Variants in FBXL20 observed in about 807,000 individuals in gnomAD.
The protein encoded by FBXL20 is F-box and leucine rich repeat protein 20, also known as F-box/LRR-repeat protein 20.
A neutral mutation model predicts 64.0 loss-of-function variants in FBXL20; 11 were observed. The observed-to-expected ratio is 0.17, with a 90% CI of 0.11 to 0.28. The LOEUF (loss-of-function observed/expected upper bound fraction) is 0.28, where lower values mean the gene tolerates loss of function less well. Ranked by LOEUF, FBXL20 falls within the 10% of genes least tolerant of loss-of-function variation. The pLI is 1.00. For synonymous variants in FBXL20, 184 were observed against 189.0 expected, an observed-to-expected ratio of 0.97 and a Z score of 0.22; for missense variants, 303 against 526.2, an observed-to-expected ratio of 0.58 and a Z score of 4.15.
At chr17:39,383,735 G>A (rs970222717) in intron 1 of FBXL20, among the ~76,000 whole-genome samples, 4 of 151,488 alleles carry the variant, frequency 2.6e-5, no homozygotes, top group Non-Finnish European at 1.5e-5. Context: ...GATTACAGGC[G>A]CATGTCACCA....
chr17:39,300,302 G>A (rs1426445348), intron 4 of FBXL20, among the ~76,000 whole-genome samples: 1 of 152,122 alleles, frequency 6.6e-6, no homozygotes, highest in African/African-American at 2.4e-5. Context: ...TGAGATTACA[G>A]GTGTAAGCCA....
intron 12 of FBXL20, among the ~76,000 whole-genome samples, chr17:39,265,861 G>A (rs1244823389): frequency 6.6e-6 from 1 of 151,808 alleles, no homozygotes; most frequent in Non-Finnish European, 1.5e-5. Context: ...TCCAGCCTCA[G>A]CCTCCTGAAT....
intron 8 of FBXL20, 58 bp downstream of exon 8, chr17:39,282,671 G>A: frequency 6.2e-7 from 1 of 1,610,440 alleles, no homozygotes; most frequent in South Asian, 1.1e-5. Flanking sequence ...TGTCTATAAA[G>A]AGCTCATGAT....
chr17:39,278,300 C>A (rs954093698), intron 9 of FBXL20, among the ~76,000 whole-genome samples: 5 of 151,598 alleles, frequency 3.3e-5, no homozygotes, highest in Non-Finnish European at 7.4e-5. Context: ...CACACACCAC[C>A]ACACTTAGAT....
chr17:39,348,349 T>C (rs1353510190), intron 1 of FBXL20, among the ~76,000 whole-genome samples: 1 of 152,082 alleles, frequency 6.6e-6, no homozygotes, highest in Admixed American at 6.6e-5. Flanking sequence ...TAGTTCCAGC[T>C]ACTTGGGAGG....
chr17:39,343,327 A>C, intron 1 of FBXL20, 86 bp from the exon 2 acceptor site: 3 of 912,150 alleles, frequency 3.3e-6, no homozygotes, highest in Non-Finnish European at 4.8e-6. Context: ...CAATTCTCTC[A>C]GGAAAGAGGT....
In FBXL20 at chr17:39,268,856, C is replaced by T. The variant is rs765964242; in HGVS notation, c.904G>A (p.Glu302Lys). Residue 302 changes from glutamate to lysine, a missense_variant, in exon 12 of 15, where the codon GAA becomes AAA. Transcript: ENST00000264658. ...ACACACTCTTCCAGGTCCATCTTTTCAAGTTCATGGCAATTCTACAAAGTA... is the reference window on the plus strand; with the variant it reads ...ACACACTCTTCCAGGTCCATCTTTTTAAGTTCATGGCAATTCTACAAAGTA... ...TTLARNCHELEKMDLEECVQI... is the reference protein window; with the variant it reads ...TTLARNCHELKKMDLEECVQI... 6.2e-7 allele frequency: 1 copy of T among 1,613,846 alleles called. No individual in the cohort carries two copies. Among genetic ancestry groups the T allele is most frequent in the Non-Finnish European group, 8.5e-7 (1 of 1,179,878 alleles).
chr17:39,398,198 C>T (rs1224294148), intron 1 of FBXL20, among the ~76,000 whole-genome samples: 1 of 152,020 alleles, frequency 6.6e-6, no homozygotes, highest in Non-Finnish European at 1.5e-5. Context: ...AGTAGAATCG[C>T]TTAAAACCTG....
At chr17:39,371,697 G>T (rs1486795035) in intron 1 of FBXL20, among the ~76,000 whole-genome samples, 2 of 146,250 alleles carry the variant, frequency 1.4e-5, no homozygotes, top group Non-Finnish European at 3.0e-5. Context: ...GTTTTGCTCT[G>T]TTGCCCAGGC....
intron 2 of FBXL20, among the ~76,000 whole-genome samples, chr17:39,342,907 G>A (rs376861643): frequency 5.3e-5 from 8 of 151,892 alleles, no homozygotes; most frequent in South Asian, 2.1e-4. Context: ...AAAAACCTAC[G>A]TTACTGTATA....
chr17:39,385,742 G>C (rs2048071677), intron 1 of FBXL20, among the ~76,000 whole-genome samples: 1 of 152,086 alleles, frequency 6.6e-6, no homozygotes, highest in African/African-American at 2.4e-5. Context: ...ATTAAATTTT[G>C]ATTAGGCAGC....
At chr17:39,343,145 A>T in intron 2 of FBXL20, 35 bp downstream of exon 2, 1 of 1,523,484 alleles carries the variant, frequency 6.6e-7, no homozygotes, top group Non-Finnish European at 8.9e-7. Context: ...TGACATACAC[A>T]TAAAAAAACC....
At chr17:39,313,467 G>A (rs59102129) in intron 2 of FBXL20, among the ~76,000 whole-genome samples, 1 of 145,908 alleles carries the variant, frequency 6.9e-6, no homozygotes, top group African/African-American at 2.5e-5. Context: ...TACTCACCTC[G>A]AGTGATCCGC....
At chr17:39,318,530 C>T (rs958457306) in intron 2 of FBXL20, among the ~76,000 whole-genome samples, 1 of 151,770 alleles carries the variant, frequency 6.6e-6, no homozygotes, top group Non-Finnish European at 1.5e-5. Flanking sequence ...CACCTGAGAT[C>T]GAGAGTTCGA....
chr17:39,387,228 T>A (rs2048089701), intron 1 of FBXL20, among the ~76,000 whole-genome samples: 1 of 151,834 alleles, frequency 6.6e-6, no homozygotes, highest in Non-Finnish European at 1.5e-5. Context: ...ATGCTTAAGG[T>A]AGGTGAGGCT....
chr17:39,334,707 G>A (rs1480333747), intron 2 of FBXL20, among the ~76,000 whole-genome samples: 3 of 151,914 alleles, frequency 2.0e-5, no homozygotes, highest in South Asian at 2.1e-4. Context: ...TTCTGAAACC[G>A]CATGTTATAA....
chr17:39,298,898 C>G, intron 5 of FBXL20, 92 bp downstream of exon 5: 1 of 959,396 alleles, frequency 1.0e-6, no homozygotes, highest in South Asian at 1.4e-5. Context: ...TTTTTAATAA[C>G]TTAGGAATTT....
chr17:39,336,766 G>C (rs1023657653), intron 2 of FBXL20, among the ~76,000 whole-genome samples: 4 of 151,366 alleles, frequency 2.6e-5, no homozygotes, highest in South Asian at 4.2e-4. Flanking sequence ...AGAGGTTGCA[G>C]TGAGCCGAGA....
At chr17:39,360,986 C>T (rs1304440438) in intron 1 of FBXL20, among the ~76,000 whole-genome samples, 1 of 152,168 alleles carries the variant, frequency 6.6e-6, no homozygotes. Flanking sequence ...TTGTTCCAGC[C>T]TCCACCAACA....
Sources: gnomAD v4.1 joint callset for allele counts (sites outside exome capture counted in the v4.1 genomes callset) on GRCh38, gnomAD v4.1.1 for gene constraint, MANE v1.5 for transcripts, NCBI Gene and HGNC (gene_info 2026-07-23, HGNC 2026-07-21) for gene names.